ADAM10: variants seen among roughly 807,000 people sequenced by gnomAD.
ADAM10 encodes the protein ADAM metallopeptidase domain 10, also known as disintegrin and metalloproteinase domain-containing protein 10.
In ADAM10, 17 loss-of-function variants were observed where a neutral mutation model predicts 90.1. The observed-to-expected ratio is 0.19, with a 90% CI of 0.13 to 0.28. The LOEUF (loss-of-function observed/expected upper bound fraction) is 0.28. ADAM10 is among the 10% of genes least tolerant of loss of function. The probability of loss-of-function intolerance (pLI) is 1.00; values close to 1 mark genes in which losing one functional copy is unlikely to be tolerated. For synonymous variants in ADAM10, 310 were observed against 298.6 expected (o/e 1.04, Z -0.40); for missense variants, 610 against 914.3 (o/e 0.67, Z 4.29).
intron 7 of ADAM10, among the ~76,000 whole-genome samples, chr15:58,642,120 T>C (rs1161061652): frequency 6.6e-6 from 1 of 152,184 alleles, no homozygotes; most frequent in African/African-American, 2.4e-5. Flanking sequence ...TTTCTCCCAC[T>C]AAATATAAAA....
intron 1 of ADAM10, among the ~76,000 whole-genome samples, chr15:58,726,045 C>A (rs1416550039): frequency 6.6e-6 from 1 of 152,086 alleles, no homozygotes; most frequent in East Asian, 1.9e-4. Context: ...CATTTTTAAT[C>A]TCTTTCAAAG....
intron 5 of ADAM10, among the ~76,000 whole-genome samples, chr15:58,659,922 C>T (rs1427315088): frequency 6.6e-6 from 1 of 152,102 alleles, no homozygotes; most frequent in Non-Finnish European, 1.5e-5. Flanking sequence ...TTAGTAGAGA[C>T]AGGGTTTCAC....
intron 1 of ADAM10, among the ~76,000 whole-genome samples, chr15:58,737,298 C>A (rs574984991): frequency 1.3e-5 from 2 of 152,180 alleles, no homozygotes; most frequent in South Asian, 2.1e-4. Flanking sequence ...TGGTTTTATG[C>A]GTGTTCTTTC....
At chr15:58,646,374 T>C (rs1896549038) in intron 5 of ADAM10, among the ~76,000 whole-genome samples, 170 bp from the exon 6 acceptor site, 3 of 152,240 alleles carry the variant, frequency 2.0e-5, no homozygotes, top group Admixed American at 2.0e-4. Context: ...ATCTTCTCCA[T>C]ATAGATTATT....
At chr15:58,658,242 A>G (rs1162307758) in intron 5 of ADAM10, among the ~76,000 whole-genome samples, 1 of 152,008 alleles carries the variant, frequency 6.6e-6, no homozygotes, top group Non-Finnish European at 1.5e-5. Context: ...TGGATATCCA[A>G]TTGTTCCAGT....
chr15:58,651,031 C>A (rs1306934183), intron 5 of ADAM10, among the ~76,000 whole-genome samples: 1 of 151,816 alleles, frequency 6.6e-6, no homozygotes, highest in African/African-American at 2.4e-5. Flanking sequence ...GATCAAAATC[C>A]AAAATATTTT....
rs1394357904 is a variant in ADAM10, at chr15:58,679,182, T to C, written c.426A>G (p.Arg142=). Reference sequence around the variant, plus strand: ...ATGGCAGAGTTCGGTCTTTAATATATCTCTCTGCTGGCTCAACATAAAATG... The same window carrying C: ...ATGGCAGAGTTCGGTCTTTAATATACCTCTCTGCTGGCTCAACATAAAATG... ...GGTFYVEPAE[R]YIKDRTLPFH... Residue 142 remains arginine (R), a synonymous_variant, in exon 4 of 16, where the codon AGA becomes AGG. Coordinates refer to ENST00000260408, the MANE Select transcript of ADAM10 (RefSeq NM_001110.4). The C allele has an allele frequency of 3.1e-6, 5 of 1,613,988 alleles. No individual in the cohort carries two copies. Among genetic ancestry groups the C allele is most frequent in the South Asian group, 1.1e-5 (1 of 91,072 alleles).
chr15:58,642,634 A>G (rs1178187824), intron 7 of ADAM10, among the ~76,000 whole-genome samples: 2 of 152,130 alleles, frequency 1.3e-5, no homozygotes, highest in Non-Finnish European at 2.9e-5. Context: ...CTACCACATC[A>G]TTTACTTATA....
chr15:58,702,477 T>C (rs1038193963), intron 2 of ADAM10, among the ~76,000 whole-genome samples: 4 of 152,162 alleles, frequency 2.6e-5, no homozygotes, highest in East Asian at 3.8e-4. Flanking sequence ...TCCCAACACA[T>C]AGAAATAACG....
chr15:58,734,888 T>C (rs1899377073), intron 1 of ADAM10, among the ~76,000 whole-genome samples: 2 of 152,180 alleles, frequency 1.3e-5, no homozygotes, highest in African/African-American at 4.8e-5. Context: ...TTTCCACAGC[T>C]AGTGATTGAA....
chr15:58,621,326 C>G, intron 11 of ADAM10, 145 bp downstream of exon 11: 2 of 631,958 alleles, frequency 3.2e-6, no homozygotes, highest in Non-Finnish European at 5.3e-6. Flanking sequence ...CAGTAACCAA[C>G]ACTACTTCAG....
In ADAM10 at chr15:58,684,301, T is replaced by C. The variant is rs1232099062; in HGVS notation, c.207-1987A>G. Among the ~76,000 whole-genome samples, 16 of 152,194 alleles carry C rather than the reference T, an allele frequency of 1.1e-4. 1 individual carries two copies. The highest frequency in any genetic ancestry group is 9.8e-4 in the Admixed American group (15 of 15,284). On this transcript the variant is annotated intron_variant, in intron 2 of 15. Coordinates refer to ENST00000260408, the MANE Select transcript of ADAM10 (RefSeq NM_001110.4). ...AAAACCCTTGGAATATCCTCAGTGA[T>C]AGGTGTCTCTTCACTCATTCATAAT...
At chr15:58,664,950 G>A (rs1453543696) in intron 5 of ADAM10, 147 bp downstream of exon 5, 14 of 679,450 alleles carry the variant, frequency 2.1e-5, no homozygotes, top group Non-Finnish European at 2.9e-5. Context: ...TTATTGGCAC[G>A]TTACCTGGCC....
intron 11 of ADAM10, among the ~76,000 whole-genome samples, chr15:58,617,394 G>C (rs2141004892): frequency 6.6e-6 from 1 of 152,030 alleles, no homozygotes; most frequent in South Asian, 2.1e-4. Flanking sequence ...AGAAAACCTG[G>C]ACAGATCAAT....
intron 5 of ADAM10, among the ~76,000 whole-genome samples, chr15:58,655,715 A>C (rs1197571932): frequency 3.4e-4 from 22 of 65,180 alleles, no homozygotes; most frequent in African/African-American, 1.5e-3. Context: ...TATATAGTAT[A>C]TATATATATA....
At chr15:58,611,245 G>C (rs1478689128) in intron 12 of ADAM10, 138 bp from the exon 13 acceptor site, 4 of 682,672 alleles carry the variant, frequency 5.9e-6, no homozygotes, top group Non-Finnish European at 7.8e-6. Flanking sequence ...ACAGAGATGA[G>C]TATCAAAACT....
intron 1 of ADAM10, among the ~76,000 whole-genome samples, chr15:58,729,457 A>G (rs1270372372): frequency 1.3e-5 from 2 of 152,230 alleles, no homozygotes; most frequent in Non-Finnish European, 2.9e-5. Flanking sequence ...CTAGGCTCCC[A>G]GCAGATCTAC....
intron 13 of ADAM10, 40 bp from the exon 14 acceptor site, chr15:58,610,557 C>A: frequency 6.3e-7 from 1 of 1,577,686 alleles, no homozygotes; most frequent in Non-Finnish European, 8.7e-7. Flanking sequence ...AGGTCAGATT[C>A]AAATATAAGT....
intron 2 of ADAM10, among the ~76,000 whole-genome samples, chr15:58,683,264 A>G (rs1265168225): frequency 6.6e-6 from 1 of 152,198 alleles, no homozygotes; most frequent in Non-Finnish European, 1.5e-5. Context: ...CAATTACAAC[A>G]AAGTATTACG....
Sources: allele counts gnomAD v4.1 joint callset (sites outside exome capture counted in the v4.1 genomes callset), GRCh38; gene constraint gnomAD v4.1.1; transcripts MANE v1.5; gene names NCBI Gene and HGNC (gene_info 2026-07-23, HGNC 2026-07-21).